The following PI4KA variants were observed in gnomAD, a reference collection of about 807,000 sequenced individuals.
PI4KA encodes phosphatidylinositol 4-kinase alpha.
Under a neutral mutation model 271.4 loss-of-function variants are expected in PI4KA, and 122 were observed. The ratio of observed to expected loss-of-function variants is 0.45; its 90% CI spans 0.39 to 0.52. The LOEUF is 0.52. PI4KA is among the 20% of genes least tolerant of loss of function. PI4KA has a pLI of 0.00. For synonymous variants in PI4KA, 1,041 were observed against 1,078.8 expected (o/e 0.96, Z 0.69); for missense variants, 1,969 against 2,769.1 (o/e 0.71, Z 6.48).
chr22:20,798,844 A>G (rs1935129153), intron 16 of PI4KA, 157 bp from the exon 17 acceptor site: 2 of 640,408 alleles, frequency 3.1e-6, no homozygotes, highest in Admixed American at 5.7e-5. Context: ...TCAAACCTCA[A>G]ATTAAAAGCT....
chr22:20,800,806 G>A (rs573832242), intron 14 of PI4KA, among the ~76,000 whole-genome samples: 1 of 149,946 alleles, frequency 6.7e-6, no homozygotes, highest in East Asian at 2.0e-4. Context: ...CCCAGGAGGC[G>A]GAGCTTGCAG....
chr22:20,785,889 A>C (rs1354174537), intron 19 of PI4KA: 1 of 1,392,738 alleles, frequency 7.2e-7, no homozygotes, highest in Non-Finnish European at 1.0e-6. Context: ...AATTTTAATA[A>C]GTGCTATATC....
At chr22:20,749,367 T>A (rs1396642208) in intron 28 of PI4KA, among the ~76,000 whole-genome samples, 2 of 152,268 alleles carry the variant, frequency 1.3e-5, no homozygotes, top group African/African-American at 2.4e-5. Context: ...GGCAATTCTT[T>A]CCTCTCACAC....
intron 19 of PI4KA, chr22:20,774,214 TC>T (rs1209165794): frequency 6.6e-6 from 1 of 152,218 alleles, no homozygotes; most frequent in African/African-American, 2.4e-5. Flanking sequence ...GGCAACTGGT[TC>T]ATTTTTCTAG....
chr22:20,824,488 A>G (rs1923122220), intron 3 of PI4KA, 74 bp from the exon 4 acceptor site: 25 of 1,021,900 alleles, frequency 2.4e-5, no homozygotes, highest in Non-Finnish European at 3.4e-5. Context: ...ATCCAATTCA[A>G]TATGTTCCCT....
At chr22:20,821,684 TG>T (rs1379567018) in intron 4 of PI4KA, among the ~76,000 whole-genome samples, 1 of 151,428 alleles carries the variant, frequency 6.6e-6, no homozygotes, top group Non-Finnish European at 1.5e-5. Flanking sequence ...CTCCGCCTCC[TG>T]GGTTCAAGCG....
intron 22 of PI4KA, among the ~76,000 whole-genome samples, chr22:20,761,658 G>A (rs1931983354): frequency 6.6e-6 from 1 of 152,142 alleles, no homozygotes; most frequent in South Asian, 2.1e-4. Flanking sequence ...TATCCAAAAT[G>A]GAAAGACTCT....
chr22:20,809,280 C>T (rs577477822), intron 9 of PI4KA, among the ~76,000 whole-genome samples: 29 of 152,152 alleles, frequency 1.9e-4, no homozygotes, highest in African/African-American at 6.7e-4. Flanking sequence ...CTCAGTTTCC[C>T]CATATGTAAA....
chr22:20,727,966 G>T, intron 39 of PI4KA, 102 bp from the exon 40 acceptor site: 1 of 769,436 alleles, frequency 1.3e-6, no homozygotes, highest in East Asian at 2.6e-5. Flanking sequence ...CTGAACTGGA[G>T]GGATTCACAT....
intron 19 of PI4KA, among the ~76,000 whole-genome samples, chr22:20,774,918 C>T (rs180875227): frequency 1.3e-5 from 2 of 152,084 alleles, no homozygotes; most frequent in African/African-American, 4.8e-5. Flanking sequence ...GGCAAAGGTT[C>T]CAAAATTTTA....
intron 32 of PI4KA, among the ~76,000 whole-genome samples, chr22:20,736,102 G>A (rs913651666): frequency 6.6e-6 from 1 of 152,152 alleles, no homozygotes; most frequent in African/African-American, 2.4e-5. Flanking sequence ...GTGCGAGTGA[G>A]CGTGTGACAG....
At chr22:20,812,250 A>G (rs552545756) in intron 8 of PI4KA, among the ~76,000 whole-genome samples, 73 of 152,206 alleles carry the variant, frequency 4.8e-4, no homozygotes, top group Non-Finnish European at 1.0e-3. Context: ...AGCAACTTCA[A>G]AAACATCCTA....
intron 28 of PI4KA, among the ~76,000 whole-genome samples, chr22:20,749,344 T>G (rs1180534806): frequency 1.3e-5 from 2 of 152,274 alleles, no homozygotes; most frequent in Non-Finnish European, 2.9e-5. Flanking sequence ...TTCTCATCTT[T>G]GATTCCTTTT....
chr22:20,727,443 C>T, intron 40 of PI4KA, 46 bp from the exon 41 acceptor site: 1 of 1,523,450 alleles, frequency 6.6e-7, no homozygotes, highest in African/African-American at 1.4e-5. Context: ...AGTCCCGGGA[C>T]CTCTGGAAAT....
chr22:20,816,556 G>C (rs899364366), intron 7 of PI4KA, among the ~76,000 whole-genome samples: 6 of 152,156 alleles, frequency 3.9e-5, no homozygotes, highest in Admixed American at 3.9e-4. Context: ...CCAGCTACTT[G>C]AAAGGGCAAG....
At chr22:20,838,405 C>T (rs1285580950) in intron 2 of PI4KA, among the ~76,000 whole-genome samples, 1 of 152,100 alleles carries the variant, frequency 6.6e-6, no homozygotes, top group African/African-American at 2.4e-5. Context: ...ATAATATATG[C>T]ACACAATTCT....
At chr22:20,717,619 G>C in intron 45 of PI4KA, 89 bp downstream of exon 45, 1 of 1,171,910 alleles carries the variant, frequency 8.5e-7, no homozygotes, top group Non-Finnish European at 1.2e-6. Context: ...TCCACATCCT[G>C]CAGTGCCTGG....
chr22:20,718,899 G>A, intron 43 of PI4KA, 77 bp from the exon 44 acceptor site: 2 of 1,505,416 alleles, frequency 1.3e-6, no homozygotes, highest in Non-Finnish European at 9.1e-7. Context: ...CTGTTTCCCA[G>A]GCCCCAGACT....
At chr22:20,780,336 G>A (rs1006536434) in intron 19 of PI4KA, 52 of 1,398,568 alleles carry the variant, frequency 3.7e-5, no homozygotes, top group South Asian at 8.2e-5. Flanking sequence ...ACTCTGGAAC[G>A]GGGACAGGGA....
Sources: allele counts gnomAD v4.1 joint callset (sites outside exome capture counted in the v4.1 genomes callset), GRCh38; gene constraint gnomAD v4.1.1; transcripts MANE v1.5; gene names NCBI Gene and HGNC (gene_info 2026-07-23, HGNC 2026-07-21).